SAMD12: variants seen among roughly 807,000 people sequenced by gnomAD.
The protein encoded by SAMD12 is sterile alpha motif domain containing 12.
Under a neutral mutation model 15.0 loss-of-function variants are expected in SAMD12, and 9 were observed. The observed-to-expected ratio is 0.60, with a 90% CI of 0.36 to 1.05. The LOEUF is 1.05. SAMD12 is among the 50% of genes least tolerant of loss of function. The probability of loss-of-function intolerance (pLI) is 0.01; values close to 1 mark genes in which losing one functional copy is unlikely to be tolerated. For missense variants in SAMD12, 230 were observed against 234.2 expected, an observed-to-expected ratio of 0.98 and a Z score of 0.12; for synonymous variants, 86 against 90.1, an observed-to-expected ratio of 0.96 and a Z score of 0.25.
chr8:118,354,659 G>A (rs1440277150), intron 4 of SAMD12, among the ~76,000 whole-genome samples: 1 of 152,218 alleles, frequency 6.6e-6, no homozygotes, highest in Non-Finnish European at 1.5e-5. Flanking sequence ...ATAGCCACAT[G>A]TCATTAGTGG....
downstream of SAMD12, among the ~76,000 whole-genome samples, chr8:118,187,880 G>A (rs987249842): frequency 6.6e-5 from 10 of 152,118 alleles, no homozygotes; most frequent in African/African-American, 2.4e-4. Flanking sequence ...AAAAAACATG[G>A]CACCAAGTTT....
At position 118,313,802 on chromosome 8, in the gene SAMD12, G is replaced by A. The variant is rs537829998; in HGVS notation, c.433+65758C>T. On this transcript the variant is annotated intron_variant, in intron 4 of 4. Transcript: ENST00000409003. ...CTATGATTTAATGGAAAGAAAAAAC[G>A]CTGAAATGCATAAAGGTTTTCATTT... is the stretch of plus-strand genomic sequence containing the variant. 3.3e-5 allele frequency among the ~76,000 whole-genome samples: 5 copies of A among 151,646 alleles called. No homozygotes were observed. In the East Asian group the frequency reaches 7.8e-4, roughly 24 times the overall value.
At chr8:118,331,364 G>C (rs1261532349) in intron 4 of SAMD12, among the ~76,000 whole-genome samples, 1 of 152,128 alleles carries the variant, frequency 6.6e-6, no homozygotes, top group Non-Finnish European at 1.5e-5. Context: ...CAGTTTAAAA[G>C]GCTTTTACTA....
intron 2 of SAMD12, among the ~76,000 whole-genome samples, chr8:118,454,035 G>C (rs200345574): frequency 1.3e-5 from 2 of 152,094 alleles, no homozygotes; most frequent in East Asian, 3.9e-4. Flanking sequence ...CTGGATAGAT[G>C]GATGGATGGA....
At chr8:118,395,149 T>A (rs1163709243) in intron 3 of SAMD12, among the ~76,000 whole-genome samples, 1 of 152,178 alleles carries the variant, frequency 6.6e-6, no homozygotes, top group Non-Finnish European at 1.5e-5. Context: ...TGGATGATAA[T>A]GGGTTCAAAA....
intron 4 of SAMD12, among the ~76,000 whole-genome samples, chr8:118,252,866 C>T (rs1178742830): frequency 6.6e-6 from 1 of 152,174 alleles, no homozygotes; most frequent in African/African-American, 2.4e-5. Flanking sequence ...ACCTTTTATC[C>T]TTTGTAAGAA....
chr8:118,267,633 AT>A (rs1342067329), intron 4 of SAMD12, among the ~76,000 whole-genome samples: 1 of 151,910 alleles, frequency 6.6e-6, no homozygotes, highest in Non-Finnish European at 1.5e-5. Flanking sequence ...ACATATTTCC[AT>A]CTTATTTTTA....
chr8:118,525,799 T>C (rs1586787607), intron 2 of SAMD12, among the ~76,000 whole-genome samples: 1 of 152,188 alleles, frequency 6.6e-6, no homozygotes, highest in Admixed American at 6.5e-5. Flanking sequence ...TAAGAAAACA[T>C]GTCTCTATGA....
intron 4 of SAMD12, among the ~76,000 whole-genome samples, chr8:118,306,989 C>A (rs536437286): frequency 2.9e-4 from 44 of 152,264 alleles, no homozygotes; most frequent in African/African-American, 1.0e-3. Context: ...TGGCCACTGA[C>A]CAAGCTGATA....
chr8:118,497,586 G>C (rs1039144307), intron 2 of SAMD12, among the ~76,000 whole-genome samples: 1 of 151,924 alleles, frequency 6.6e-6, no homozygotes, highest in East Asian at 1.9e-4. Flanking sequence ...TGTGGGAGGA[G>C]GGGGAGGTTA....
chr8:118,461,898 A>G (rs1016302937), intron 2 of SAMD12, among the ~76,000 whole-genome samples: 14 of 152,200 alleles, frequency 9.2e-5, no homozygotes, highest in African/African-American at 2.9e-4. Context: ...ATAATGTGCA[A>G]TTCTACTTTA....
chr8:118,299,904 T>C (rs1814926707), intron 4 of SAMD12, among the ~76,000 whole-genome samples: 1 of 152,130 alleles, frequency 6.6e-6, no homozygotes, highest in Non-Finnish European at 1.5e-5. Flanking sequence ...TCATAAAAGT[T>C]TCCTCAAAGC....
chr8:118,455,831 T>C (rs562500300), intron 2 of SAMD12, among the ~76,000 whole-genome samples: 21 of 131,978 alleles, frequency 1.6e-4, no homozygotes, highest in African/African-American at 6.3e-4. Context: ...TATACATACA[T>C]ACATGTACAT....
intron 4 of SAMD12, among the ~76,000 whole-genome samples, chr8:118,370,278 G>GA (rs879111104): frequency 2.0e-5 from 3 of 152,096 alleles, no homozygotes; most frequent in Non-Finnish European, 4.4e-5. Flanking sequence ...ACAAAGTCAA[G>GA]AAAAAACAGA....
At chr8:118,161,454 C>T in the SAMD12 span, among the ~76,000 whole-genome samples, 2 of 151,310 alleles carry the variant, frequency 1.3e-5, no homozygotes, top group African/African-American at 4.9e-5. Flanking sequence ...GTGGCAAATG[C>T]CTGAGGGTGA....
At chr8:118,498,914 A>G (rs891350275) in intron 2 of SAMD12, among the ~76,000 whole-genome samples, 2 of 152,144 alleles carry the variant, frequency 1.3e-5, no homozygotes, top group African/African-American at 2.4e-5. Context: ...TATTTTCCAT[A>G]TATGCTTTAT....
intron 4 of SAMD12, chr8:118,239,942 A>G (rs959840544): frequency 7.9e-5 from 12 of 152,082 alleles, no homozygotes; most frequent in Non-Finnish European, 1.5e-5. Context: ...ATTCTTTTGG[A>G]AGAGTCAGGG....
rs555423588 is a variant in SAMD12 at position 118,432,611 on chromosome 8, C to A, written c.322+7221G>T. Reference sequence around the variant, plus strand: ...TACTGTGATAAGTCTTACAATAGAGCCTTATCCTAGGAACTAGAGATGAGA... The same window carrying A: ...TACTGTGATAAGTCTTACAATAGAGACTTATCCTAGGAACTAGAGATGAGA... On this transcript the variant is annotated intron_variant, in intron 3 of 3. Coordinates refer to ENST00000314727, the MANE Select transcript of SAMD12 (RefSeq NM_207506.3). Among the ~76,000 whole-genome samples the A allele has an allele frequency of 8.6e-4, 131 of 152,192 alleles. 1 individual carries two copies. Among genetic ancestry groups the A allele is most frequent in the Middle Eastern group, 3.4e-3 (1 of 294 alleles).
chr8:118,356,971 C>T (rs1015124361), intron 4 of SAMD12, among the ~76,000 whole-genome samples: 2 of 152,198 alleles, frequency 1.3e-5, no homozygotes, highest in East Asian at 1.9e-4. Context: ...TTTTAACTGT[C>T]GCCTGTTCAC....
Sources: allele counts gnomAD v4.1 joint callset (sites outside exome capture counted in the v4.1 genomes callset), GRCh38; gene constraint gnomAD v4.1.1; transcripts MANE v1.5; gene names NCBI Gene and HGNC (gene_info 2026-07-23, HGNC 2026-07-21).